The following CHRDL1 variants were observed in gnomAD, a reference collection of about 807,000 sequenced individuals.
CHRDL1 encodes chordin-like protein 1.
In CHRDL1, 19 loss-of-function variants were observed where a neutral mutation model predicts 40.9. The ratio of observed to expected loss-of-function variants is 0.46; its 90% CI spans 0.32 to 0.68. CHRDL1 has a LOEUF of 0.68. Among genes scored for constraint, CHRDL1 ranks in the 30% least tolerant of loss-of-function variants. The pLI, the probability that CHRDL1 is intolerant of heterozygous loss-of-function variation, is 0.03. For synonymous variants in CHRDL1, 136 were observed against 123.4 expected (o/e 1.10, Z -0.68); for missense variants, 329 against 352.1 (o/e 0.93, Z 0.53).
chrX:110,722,088 C>T (rs1017378621), intron 4 of CHRDL1, among the ~76,000 whole-genome samples: 5 of 111,362 alleles, frequency 4.5e-5, no homozygotes, highest in African/African-American at 1.3e-4. Flanking sequence ...ACCTCTGCCT[C>T]CTGGGTTCAA....
At chrX:110,780,996 T>A (rs916516479) in intron 2 of CHRDL1, among the ~76,000 whole-genome samples, 2 of 111,326 alleles carry the variant, frequency 1.8e-5, no homozygotes, top group Non-Finnish European at 3.8e-5. Flanking sequence ...TTCAGCCAAA[T>A]CTTAGCAATA....
Position 110,679,437 on chromosome X carries a change from C to T in CHRDL1, c.1157-12G>A. On this transcript the variant is annotated splice_polypyrimidine_tract_variant and intron_variant, in intron 10 of 11. Coordinates refer to ENST00000372042, the MANE Select transcript of CHRDL1 (RefSeq NM_001143981.2). ...GTGCTGGAGAATGCCTAGGGCCAAG[C>T]AAAAAGTGGAGCAAATGGTCAGGCA... The T allele has an allele frequency of 1.8e-6, 2 of 1,142,838 alleles. No homozygotes were observed. The highest frequency in any genetic ancestry group is 2.4e-6 in the Non-Finnish European group (2 of 833,863). 94.2% of individuals were successfully genotyped at this position (1,142,838 alleles called of 1,213,427 possible).
intron 4 of CHRDL1, among the ~76,000 whole-genome samples, chrX:110,722,305 C>T (rs1278904051): frequency 9.0e-6 from 1 of 111,069 alleles, no homozygotes; most frequent in Non-Finnish European, 1.9e-5. Context: ...CCACCGCCTA[C>T]ATTTTAAATC....
chrX:110,744,573 G>A (rs1016516123), intron 4 of CHRDL1, among the ~76,000 whole-genome samples: 1 of 111,686 alleles, frequency 9.0e-6, no homozygotes, highest in African/African-American at 3.3e-5. Flanking sequence ...TCCATGAGTA[G>A]AGATGGAGAA....
intron 6 of CHRDL1, among the ~76,000 whole-genome samples, chrX:110,713,526 C>G (rs1225464568): frequency 8.9e-6 from 1 of 111,891 alleles, no homozygotes. Flanking sequence ...CCGTCTTCCC[C>G]TTTACTCCCC....
intron 4 of CHRDL1, among the ~76,000 whole-genome samples, chrX:110,754,329 C>T (rs972684240): frequency 1.8e-5 from 2 of 112,431 alleles, no homozygotes; most frequent in Admixed American, 1.9e-4. Context: ...AGTATAGTTG[C>T]TTTGTTAATA....
chrX:110,747,222 C>T (rs2089270637), intron 4 of CHRDL1, among the ~76,000 whole-genome samples: 1 of 110,871 alleles, frequency 9.0e-6, no homozygotes, highest in African/African-American at 3.3e-5. Context: ...AGCCAGATGG[C>T]TTCATCCAGA....
chrX:110,721,506 T>G lies in CHRDL1; in HGVS notation c.326A>C (p.Asn109Thr). ...CTCGCAAGACTTGCTGGTCACCTTATTGTTCACTGGGGGTAAGGAGTCTTC... is the reference window on the plus strand; with the variant it reads ...CTCGCAAGACTTGCTGGTCACCTTAGTGTTCACTGGGGGTAAGGAGTCTTC... ...CPEDSLPPVN[N>T]KVTSKSCEYN... Residue 109 changes from asparagine to threonine, a missense_variant, in exon 5 of 12, where the codon AAT (asparagine) becomes ACT (threonine). Physicochemically the swap from Asn to Thr is moderately conservative, Grantham distance 65. Transcript: ENST00000372042. 1 of 1,208,815 alleles carries G rather than the reference T, an allele frequency of 8.3e-7. No homozygotes were observed. Among genetic ancestry groups the G allele is most frequent in the South Asian group, 1.8e-5 (1 of 56,901 alleles).
intron 10 of CHRDL1, 42 bp from the exon 11 acceptor site, chrX:110,679,467 A>T: frequency 1.1e-6 from 1 of 885,483 alleles, no homozygotes; most frequent in Non-Finnish European, 1.7e-6. Flanking sequence ...CAGGCACTCA[A>T]TCTGGAACCA....
intron 2 of CHRDL1, among the ~76,000 whole-genome samples, chrX:110,770,397 G>A (rs1221039126): frequency 9.1e-6 from 1 of 109,931 alleles, no homozygotes; most frequent in East Asian, 2.9e-4. Context: ...CATCATTTAG[G>A]GATTCAGCTA....
At chrX:110,742,484 T>C (rs892805585) in intron 4 of CHRDL1, among the ~76,000 whole-genome samples, 16 of 112,410 alleles carry the variant, frequency 1.4e-4, no homozygotes, top group African/African-American at 4.5e-4. Context: ...ATATAGAAGA[T>C]AACAGACAAC....
chrX:110,691,456 A>G (rs2070276051), intron 8 of CHRDL1, among the ~76,000 whole-genome samples: 1 of 110,623 alleles, frequency 9.0e-6, no homozygotes, highest in Non-Finnish European at 1.9e-5. Context: ...AGTCATGACT[A>G]GGACTGGGTG....
intron 4 of CHRDL1, among the ~76,000 whole-genome samples, chrX:110,727,330 T>A (rs1053652213): frequency 1.8e-5 from 2 of 112,403 alleles, no homozygotes; most frequent in African/African-American, 6.5e-5. Context: ...AAAAATCCCT[T>A]CCCCATTTCT....
At chrX:110,704,114 A>G (rs902966791) in intron 6 of CHRDL1, among the ~76,000 whole-genome samples, 1 of 111,294 alleles carries the variant, frequency 9.0e-6, no homozygotes, top group Non-Finnish European at 1.9e-5. Context: ...ATTTTAAAAT[A>G]ACTTAAAGAG....
At chrX:110,680,162 G>A (rs1055058058) in intron 10 of CHRDL1, among the ~76,000 whole-genome samples, 15 of 111,443 alleles carry the variant, frequency 1.3e-4, no homozygotes, top group African/African-American at 4.9e-4. Context: ...CCAGAACTGT[G>A]AACAAGAGGA....
At chrX:110,770,746 CTG>C (rs2089741992) in intron 2 of CHRDL1, among the ~76,000 whole-genome samples, 1 of 109,527 alleles carries the variant, frequency 9.1e-6, no homozygotes, top group African/African-American at 3.3e-5. Flanking sequence ...ATGTGAATAA[CTG>C]TATGCCAGTT....
chrX:110,694,452 C>T (rs2070344754), intron 7 of CHRDL1, 121 bp from the exon 8 acceptor site: 3 of 470,715 alleles, frequency 6.4e-6, no homozygotes, highest in Non-Finnish European at 1.0e-5. Flanking sequence ...ATTTCAGCTG[C>T]ATGCTTACCT....
At chrX:110,680,802 A>G (rs935205366) in intron 10 of CHRDL1, among the ~76,000 whole-genome samples, 1 of 112,509 alleles carries the variant, frequency 8.9e-6, no homozygotes, top group Non-Finnish European at 1.9e-5. Context: ...GAAGAGCTGT[A>G]GGATCACAAT....
At chrX:110,705,514 T>C (rs1198724308) in intron 6 of CHRDL1, among the ~76,000 whole-genome samples, 2 of 104,811 alleles carry the variant, frequency 1.9e-5, no homozygotes, top group Non-Finnish European at 2.0e-5. Context: ...ATATATCATC[T>C]ATATCATACT....
Sources: gnomAD v4.1 joint callset for allele counts (sites outside exome capture counted in the v4.1 genomes callset) on GRCh38, gnomAD v4.1.1 for gene constraint, MANE v1.5 for transcripts, NCBI Gene and HGNC (gene_info 2026-07-23, HGNC 2026-07-21) for gene names.